The following WBP1L variants were observed in gnomAD, a reference collection of about 807,000 sequenced individuals.
WBP1L encodes the protein WW domain binding protein 1 like, also known as WW domain binding protein 1-like.
In WBP1L, 17 loss-of-function variants were observed where a neutral mutation model predicts 33.7. The observed-to-expected ratio is 0.50, with a 90% CI of 0.34 to 0.76. The LOEUF (loss-of-function observed/expected upper bound fraction) is 0.76, where lower values mean the gene tolerates loss of function less well. Among genes scored for constraint, WBP1L ranks in the 30% least tolerant of loss-of-function variants. WBP1L has a pLI of 0.01. For synonymous variants in WBP1L, 173 were observed against 190.8 expected (o/e 0.91, Z 0.77); for missense variants, 389 against 469.4 (o/e 0.83, Z 1.58).
chr10:102,777,604 C>T (rs1176267444), intron 1 of WBP1L, among the ~76,000 whole-genome samples: 3 of 112,838 alleles, frequency 2.7e-5, no homozygotes, highest in African/African-American at 6.8e-5. Context: ...GAGTCTCACT[C>T]TGTTGCCCAG....
intron 2 of WBP1L, among the ~76,000 whole-genome samples, chr10:102,802,762 C>T (rs1441678669): frequency 6.6e-6 from 1 of 152,166 alleles, no homozygotes; most frequent in Non-Finnish European, 1.5e-5. Context: ...TCCCAAAGTG[C>T]TGGGATTACA....
intron 1 of WBP1L, among the ~76,000 whole-genome samples, chr10:102,752,405 C>T (rs982430597): frequency 3.3e-5 from 5 of 152,024 alleles, no homozygotes; most frequent in African/African-American, 9.7e-5. Context: ...TTTGATATGC[C>T]GAATCTCACT....
intron 2 of WBP1L, among the ~76,000 whole-genome samples, chr10:102,806,442 A>C (rs1201366035): frequency 4.6e-5 from 7 of 152,162 alleles, no homozygotes; most frequent in Non-Finnish European, 1.0e-4. Flanking sequence ...ATCTGTAGCC[A>C]GTTTCACCTC....
At chr10:102,790,580 G>A (rs986629138) in intron 1 of WBP1L, among the ~76,000 whole-genome samples, 2 of 151,846 alleles carry the variant, frequency 1.3e-5, no homozygotes, top group Admixed American at 6.6e-5. Flanking sequence ...GTGCAATCTC[G>A]GCTCACTGCA....
chr10:102,804,483 A>G (rs912383009), intron 2 of WBP1L, among the ~76,000 whole-genome samples: 1 of 151,834 alleles, frequency 6.6e-6, no homozygotes, highest in Non-Finnish European at 1.5e-5. Flanking sequence ...GATTCCTTTA[A>G]AAATCTGATG....
In WBP1L at chr10:102,753,833, T is replaced by C. The variant is rs115938392; in HGVS notation, c.90+9690T>C. 8.1e-3 allele frequency among the ~76,000 whole-genome samples: 1,230 copies of C among 152,314 alleles called. 20 individuals carry two copies. The highest frequency in any genetic ancestry group is 0.028 in the African/African-American group (1,181 of 41,570). On this transcript the variant is annotated intron_variant, in intron 1 of 3. Transcript: ENST00000448841. ...TGGCTTGGAAGGGTGGGTCCTAGAATGGAGAGTTACAAAAACATGTCTGTT... is the reference window on the plus strand; with the variant it reads ...TGGCTTGGAAGGGTGGGTCCTAGAACGGAGAGTTACAAAAACATGTCTGTT...
At chr10:102,771,461 C>T (rs772245046) in intron 1 of WBP1L, among the ~76,000 whole-genome samples, 7 of 151,878 alleles carry the variant, frequency 4.6e-5, no homozygotes, top group Non-Finnish European at 7.4e-5. Flanking sequence ...CGAGGTGAAG[C>T]GTTCGAGACC....
At chr10:102,781,448 G>A (rs771150923) in intron 1 of WBP1L, among the ~76,000 whole-genome samples, 36 of 152,294 alleles carry the variant, frequency 2.4e-4, no homozygotes, top group Middle Eastern at 6.8e-3. Context: ...CCAGAACCCA[G>A]GGCTAATGTG....
chr10:102,746,720 T>C (rs1471622695), intron 1 of WBP1L, among the ~76,000 whole-genome samples: 1 of 152,140 alleles, frequency 6.6e-6, no homozygotes, highest in East Asian at 1.9e-4. Context: ...AATTCAACAA[T>C]GAAGTCCAGC....
At chr10:102,756,197 G>T (rs1266475769) in intron 1 of WBP1L, among the ~76,000 whole-genome samples, 1 of 152,208 alleles carries the variant, frequency 6.6e-6, no homozygotes, top group Non-Finnish European at 1.5e-5. Flanking sequence ...TGGATCACGA[G>T]GTCAGGAGTT....
In WBP1L at chr10:102,768,380, T is replaced by G. The variant is rs1222277363; in HGVS notation, c.90+24237T>G. Among the ~76,000 whole-genome samples, 25 of 13,428 alleles carry G rather than the reference T, an allele frequency of 1.9e-3. 7 individuals carry two copies. Among genetic ancestry groups the G allele is most frequent in the African/African-American group, 3.2e-3 (4 of 1,260 alleles). The allele number at this position is 13,428 out of a possible 152,430, so 8.8% of individuals were successfully genotyped here. A position where few individuals can be genotyped will look rare whatever the true frequency, so the allele number is the denominator to read the frequency against. On this transcript the variant is annotated intron_variant, in intron 1 of 3. Transcript: ENST00000448841. Reference sequence around the variant, plus strand: ...CTGGCATTAGTTTTTTGTTTTTTTTTTTTTTTTTTTTTTTTTGAGACGGAG... The same window carrying G: ...CTGGCATTAGTTTTTTGTTTTTTTTGTTTTTTTTTTTTTTTTGAGACGGAG...
At chr10:102,799,303 G>A (rs538972464) in intron 2 of WBP1L, among the ~76,000 whole-genome samples, 1 of 152,086 alleles carries the variant, frequency 6.6e-6, no homozygotes, top group Admixed American at 6.5e-5. Context: ...TCCAGCCTGG[G>A]CAACAGAGCG....
intron 1 of WBP1L, among the ~76,000 whole-genome samples, chr10:102,747,924 C>G (rs1045881304): frequency 6.6e-6 from 1 of 152,104 alleles, no homozygotes; most frequent in African/African-American, 2.4e-5. Flanking sequence ...GGACAAATCT[C>G]TAGAGATGCA....
intron 1 of WBP1L, among the ~76,000 whole-genome samples, chr10:102,747,954 C>T (rs1022682569): frequency 3.3e-5 from 5 of 151,984 alleles, no homozygotes; most frequent in African/African-American, 1.2e-4. Context: ...TTTCCTTTGC[C>T]AGGCTTAAAA....
intron 1 of WBP1L, among the ~76,000 whole-genome samples, chr10:102,785,048 G>A (rs1445520948): frequency 6.6e-6 from 1 of 151,292 alleles, no homozygotes; most frequent in Non-Finnish European, 1.5e-5. Context: ...GCTAAATTTT[G>A]TATTTTGTAG....
At chr10:102,810,462 C>T in intron 3 of WBP1L, among the ~76,000 whole-genome samples, 1 of 89,848 alleles carries the variant, frequency 1.1e-5, no homozygotes, top group Non-Finnish European at 2.3e-5. Context: ...CCTTCTTTTC[C>T]TTCCTTCCTT....
intron 2 of WBP1L, 107 bp downstream of exon 2, chr10:102,798,202 T>A: frequency 1.1e-6 from 1 of 878,014 alleles, no homozygotes; most frequent in Non-Finnish European, 1.8e-6. Context: ...TTGGGGACAG[T>A]GTTGGTGAGT....
intron 1 of WBP1L, among the ~76,000 whole-genome samples, chr10:102,745,423 A>G (rs1842854176): frequency 1.3e-5 from 2 of 152,126 alleles, no homozygotes; most frequent in South Asian, 4.1e-4. Context: ...CATCACCCCA[A>G]TAGAAAACCT....
intron 1 of WBP1L, among the ~76,000 whole-genome samples, chr10:102,784,641 G>T (rs1048143820): frequency 4.0e-5 from 6 of 151,878 alleles, no homozygotes; most frequent in Admixed American, 6.6e-5. Flanking sequence ...TAGCCAGGAT[G>T]GTCTCGACCT....
Sources: allele counts gnomAD v4.1 joint callset (sites outside exome capture counted in the v4.1 genomes callset), GRCh38; gene constraint gnomAD v4.1.1; transcripts MANE v1.5; gene names NCBI Gene and HGNC (gene_info 2026-07-23, HGNC 2026-07-21).